Variants in BRINP2 observed in about 807,000 individuals in gnomAD.
BRINP2 encodes the protein BMP/retinoic acid-inducible neural-specific protein 2.
In BRINP2, 21 loss-of-function variants were observed where a neutral mutation model predicts 69.2. That is an observed-to-expected ratio of 0.30 (90% CI 0.22 to 0.44). The LOEUF (loss-of-function observed/expected upper bound fraction) is 0.44, where lower values mean the gene tolerates loss of function less well. Among genes scored for constraint, BRINP2 ranks in the 20% least tolerant of loss-of-function variants. BRINP2 has a pLI of 1.00. For missense variants in BRINP2, 877 were observed against 986.0 expected, an observed-to-expected ratio of 0.89 and a Z score of 1.48; for synonymous variants, 380 against 394.1, an observed-to-expected ratio of 0.96 and a Z score of 0.42.
chr1:177,222,749 T>A (rs542291245), intron 1 of BRINP2, among the ~76,000 whole-genome samples: 30 of 149,978 alleles, frequency 2.0e-4, no homozygotes, highest in African/African-American at 7.3e-4. Flanking sequence ...ATGAGGAACC[T>A]GAGGCAAAAG....
chr1:177,226,383 G>A (rs1322153383), intron 1 of BRINP2, among the ~76,000 whole-genome samples: 1 of 152,192 alleles, frequency 6.6e-6, no homozygotes, highest in East Asian at 1.9e-4. Context: ...AGCTGAGTTA[G>A]GGAAGATTAT....
At chr1:177,183,161 T>C (rs1035805812) in intron 1 of BRINP2, among the ~76,000 whole-genome samples, 3 of 146,642 alleles carry the variant, frequency 2.0e-5, no homozygotes, top group African/African-American at 7.5e-5. Flanking sequence ...TTTTTTTTTT[T>C]TCTTTTTCTG....
intron 1 of BRINP2, among the ~76,000 whole-genome samples, chr1:177,210,861 A>T (rs150740797): frequency 7.2e-5 from 11 of 151,812 alleles, no homozygotes; most frequent in Admixed American, 6.6e-5. Context: ...AAACTCAGTC[A>T]TAATTTTCTT....
chr1:177,277,720 G>A (rs1651545307), intron 6 of BRINP2, among the ~76,000 whole-genome samples: 1 of 151,916 alleles, frequency 6.6e-6, no homozygotes, highest in South Asian at 2.1e-4. Context: ...CTATGGTGGT[G>A]GGTTATGGTC....
Position 177,196,640 on chromosome 1 carries a change from A to T in BRINP2, c.-77+24908A>T, listed in dbSNP as rs140241365. 2.5e-3 allele frequency among the ~76,000 whole-genome samples: 387 copies of T among 152,036 alleles called. 1 individual carries two copies. The highest frequency in any genetic ancestry group is 4.6e-3 in the Non-Finnish European group (311 of 67,956). ...TCTCAAAAAAAAAAAAGAAAGAAAA[A>T]GAAATGCAAATTCTTAGTTCCCACC... On this transcript the variant is annotated intron_variant, in intron 1 of 7. Transcript: ENST00000361539.
chr1:177,209,902 G>A (rs538445081), intron 1 of BRINP2, among the ~76,000 whole-genome samples: 4 of 152,204 alleles, frequency 2.6e-5, no homozygotes, highest in African/African-American at 9.6e-5. Context: ...TAACAAAGAA[G>A]GTAAAGAGCA....
intron 3 of BRINP2, 133 bp from the exon 4 acceptor site, chr1:177,257,043 G>A: frequency 6.4e-7 from 1 of 1,551,678 alleles, no homozygotes; most frequent in Non-Finnish European, 8.7e-7. Context: ...GGTAAGGGCT[G>A]GGGGAAGAGC....
At chr1:177,259,381 C>T (rs189774113) in intron 4 of BRINP2, among the ~76,000 whole-genome samples, 3 of 152,136 alleles carry the variant, frequency 2.0e-5, no homozygotes, top group Non-Finnish European at 4.4e-5. Context: ...AACCCGTCTC[C>T]ATGATATACA....
intron 1 of BRINP2, among the ~76,000 whole-genome samples, chr1:177,199,141 G>A (rs1182460022): frequency 6.6e-6 from 1 of 152,152 alleles, no homozygotes; most frequent in Non-Finnish European, 1.5e-5. Context: ...CCTATTTTAA[G>A]ATATTTCACC....
intron 2 of BRINP2, among the ~76,000 whole-genome samples, chr1:177,251,049 G>T (rs1402878527): frequency 6.6e-6 from 1 of 151,976 alleles, no homozygotes; most frequent in African/African-American, 2.4e-5. Context: ...TTTATTATTT[G>T]CTCATAAAAA....
intron 4 of BRINP2, among the ~76,000 whole-genome samples, chr1:177,264,997 G>A (rs1283718593): frequency 6.6e-6 from 1 of 152,130 alleles, no homozygotes; most frequent in South Asian, 2.1e-4. Flanking sequence ...GCGTAGCCAA[G>A]ACAATCCTAA....
At chr1:177,259,083 C>G (rs1300568853) in intron 4 of BRINP2, among the ~76,000 whole-genome samples, 1 of 152,178 alleles carries the variant, frequency 6.6e-6, no homozygotes, top group African/African-American at 2.4e-5. Flanking sequence ...TTGCAACAAA[C>G]AGTTAGCCAA....
At chr1:177,246,619 C>A (rs12069896) in intron 2 of BRINP2, among the ~76,000 whole-genome samples, 210 of 152,266 alleles carry the variant, frequency 1.4e-3, no homozygotes, top group African/African-American at 4.9e-3. Context: ...AGAGAGACTA[C>A]TGGAAATAGA....
intron 1 of BRINP2, among the ~76,000 whole-genome samples, chr1:177,216,625 C>A (rs1447976882): frequency 3.3e-5 from 5 of 150,052 alleles, no homozygotes; most frequent in African/African-American, 9.8e-5. Flanking sequence ...TAATTAGCAT[C>A]TTTTAGTTTC....
intron 1 of BRINP2, among the ~76,000 whole-genome samples, chr1:177,197,604 T>G (rs572166358): frequency 1.8e-4 from 27 of 152,346 alleles, no homozygotes; most frequent in African/African-American, 6.3e-4. Flanking sequence ...GGCCTTGATC[T>G]TGAACTTTCC....
chr1:177,277,354 G>C (rs1227410101), intron 6 of BRINP2, among the ~76,000 whole-genome samples: 1 of 151,970 alleles, frequency 6.6e-6, no homozygotes, highest in Non-Finnish European at 1.5e-5. Flanking sequence ...CATCTGGATA[G>C]AGAGAAAGGG....
chr1:177,219,086 T>C (rs1412995887), intron 1 of BRINP2, among the ~76,000 whole-genome samples: 1 of 152,240 alleles, frequency 6.6e-6, no homozygotes, highest in Non-Finnish European at 1.5e-5. Flanking sequence ...TAGAACAGCT[T>C]GCTCCCCATC....
intron 4 of BRINP2, among the ~76,000 whole-genome samples, chr1:177,257,627 T>A (rs925129942): frequency 6.6e-6 from 1 of 152,010 alleles, no homozygotes; most frequent in African/African-American, 2.4e-5. Flanking sequence ...GCAGTCAAGG[T>A]CCCCATGCTC....
chr1:177,258,008 C>A (rs1272634907), intron 4 of BRINP2, among the ~76,000 whole-genome samples: 1 of 152,050 alleles, frequency 6.6e-6, no homozygotes, highest in Non-Finnish European at 1.5e-5. Flanking sequence ...TTGGCTGGAG[C>A]CAGGTTATGT....
Sources: allele counts gnomAD v4.1 joint callset (sites outside exome capture counted in the v4.1 genomes callset), GRCh38; gene constraint gnomAD v4.1.1; transcripts MANE v1.5; gene names NCBI Gene and HGNC (gene_info 2026-07-23, HGNC 2026-07-21).